The following NELL1 variants were observed in gnomAD, a reference collection of about 807,000 sequenced individuals.
NELL1 encodes protein kinase C-binding protein NELL1.
In NELL1, 76 loss-of-function variants were observed where a neutral mutation model predicts 107.4. That is an observed-to-expected ratio of 0.71 (90% CI 0.59 to 0.86). The LOEUF (loss-of-function observed/expected upper bound fraction) is 0.86. NELL1 is among the 40% of genes least tolerant of loss of function. The pLI, the probability that NELL1 is intolerant of heterozygous loss-of-function variation, is 0.00. For synonymous variants in NELL1, 353 were observed against 341.2 expected, an observed-to-expected ratio of 1.03 and a Z score of -0.38; for missense variants, 1,024 against 1,005.5, an observed-to-expected ratio of 1.02 and a Z score of -0.25.
chr11:21,573,120 A>G (rs1415673770), intron 18 of NELL1, 65 bp from the exon 19 acceptor site: 2 of 1,238,808 alleles, frequency 1.6e-6, no homozygotes, highest in Non-Finnish European at 2.3e-6. Flanking sequence ...TTCCCCTTCT[A>G]TGACTTTGGG....
chr11:21,078,768 C>A, intron 12 of NELL1, among the ~76,000 whole-genome samples: 2 of 152,018 alleles, frequency 1.3e-5, no homozygotes, highest in Admixed American at 6.6e-5. Flanking sequence ...TGTTGAAAAT[C>A]TTAAAAGTAA....
At chr11:20,845,084 G>C (rs12284777) in intron 3 of NELL1, among the ~76,000 whole-genome samples, 4,524 of 152,292 alleles carry the variant, frequency 0.03, 82 homozygotes, top group Middle Eastern at 0.054. Context: ...TGCTAAGGCT[G>C]CTTCAGCAGT....
chr11:21,032,045 A>AG (rs1852971671), intron 12 of NELL1, among the ~76,000 whole-genome samples: 2 of 140,054 alleles, frequency 1.4e-5, no homozygotes, highest in Non-Finnish European at 3.0e-5. Flanking sequence ...ACTCCATGTC[A>AG]AAATAATAAT....
chr11:21,462,734 A>G (rs1055956361), intron 15 of NELL1, among the ~76,000 whole-genome samples: 1 of 152,040 alleles, frequency 6.6e-6, no homozygotes. Flanking sequence ...CTGAGAGTCA[A>G]GGAGGTCTAT....
At chr11:21,396,775 C>T (rs542614339) in intron 15 of NELL1, among the ~76,000 whole-genome samples, 29 of 151,408 alleles carry the variant, frequency 1.9e-4, no homozygotes, top group African/African-American at 7.0e-4. Flanking sequence ...GTGTACGGAA[C>T]ATTAAGGAAT....
intron 13 of NELL1, among the ~76,000 whole-genome samples, chr11:21,121,077 G>A (rs578009135): frequency 6.6e-6 from 1 of 152,186 alleles, no homozygotes; most frequent in South Asian, 2.1e-4. Flanking sequence ...TGGCTGTTCT[G>A]GGGTTGGGAC....
intron 14 of NELL1, among the ~76,000 whole-genome samples, chr11:21,282,532 G>T (rs113436657): frequency 6.6e-6 from 1 of 150,892 alleles, no homozygotes; most frequent in African/African-American, 2.4e-5. Context: ...ATAAGATGCC[G>T]GCAAGGGTGT....
chr11:21,415,182 C>T (rs995156615), intron 15 of NELL1, among the ~76,000 whole-genome samples: 3 of 152,060 alleles, frequency 2.0e-5, no homozygotes, highest in Non-Finnish European at 2.9e-5. Context: ...ACAAATTGAG[C>T]ATCATTTCCT....
At chr11:20,732,010 A>G (rs1314761034) in intron 2 of NELL1, among the ~76,000 whole-genome samples, 5 of 152,190 alleles carry the variant, frequency 3.3e-5, no homozygotes, top group Non-Finnish European at 7.3e-5. Flanking sequence ...GCATTTCACA[A>G]TGAGGCTCCT....
intron 13 of NELL1, among the ~76,000 whole-genome samples, chr11:21,154,373 G>T (rs1481814892): frequency 6.6e-6 from 1 of 152,086 alleles, no homozygotes; most frequent in Admixed American, 6.6e-5. Context: ...GACATGGCAG[G>T]GGAAATCTAT....
chr11:20,691,073 G>T (rs547245150), intron 2 of NELL1, among the ~76,000 whole-genome samples: 3 of 151,976 alleles, frequency 2.0e-5, no homozygotes, highest in East Asian at 3.9e-4. Flanking sequence ...CTCATGATTT[G>T]GTTCTCTGTT....
chr11:20,919,214 C>T, intron 6 of NELL1, 38 bp from the exon 7 acceptor site: 1 of 1,231,516 alleles, frequency 8.1e-7, no homozygotes, highest in Non-Finnish European at 1.2e-6. Flanking sequence ...TATATTAGCA[C>T]AATATAAATA....
At chr11:21,282,791 G>T (rs995143526) in intron 14 of NELL1, among the ~76,000 whole-genome samples, 2 of 152,072 alleles carry the variant, frequency 1.3e-5, no homozygotes, top group African/African-American at 4.8e-5. Flanking sequence ...ATAAAGAAAT[G>T]AATAGACAAA....
intron 14 of NELL1, among the ~76,000 whole-genome samples, chr11:21,243,614 T>C (rs1858418484): frequency 6.6e-6 from 1 of 152,134 alleles, no homozygotes; most frequent in South Asian, 2.1e-4. Flanking sequence ...GTGAATGCTA[T>C]GAGATTAGTA....
At chr11:21,061,617 C>A (rs1392175597) in intron 12 of NELL1, among the ~76,000 whole-genome samples, 1 of 152,026 alleles carries the variant, frequency 6.6e-6, no homozygotes. Context: ...TTACATTGCT[C>A]AATTTGGTGC....
rs529712202 is a variant in NELL1 at position 21,269,097 on chromosome 11, T to TA, written c.1549+39647dup. 5.3e-5 allele frequency among the ~76,000 whole-genome samples: 8 copies of TA among 151,388 alleles called. No homozygotes were observed. The South Asian group carries it at 1.5e-3, about 28-fold the overall frequency. On this transcript the variant is annotated intron_variant, in intron 14 of 19. Transcript: ENST00000357134. ...TTGAAGATATATTAATGGAAACTTC[T>TA]AAAATGGAAAAACAAAGAAAAAGAA...
intron 3 of NELL1, among the ~76,000 whole-genome samples, chr11:20,825,929 C>T (rs1463867399): frequency 2.6e-5 from 4 of 151,086 alleles, no homozygotes; most frequent in Non-Finnish European, 4.4e-5. Context: ...TGGAGAGGGA[C>T]CTTGTGGGAG....
At chr11:20,853,939 G>T (rs934183470) in intron 4 of NELL1, among the ~76,000 whole-genome samples, 1 of 152,098 alleles carries the variant, frequency 6.6e-6, no homozygotes, top group African/African-American at 2.4e-5. Context: ...AAGATTTTTT[G>T]TTGATCCTGG....
chr11:21,532,805 A>G (rs1856024665), intron 15 of NELL1, among the ~76,000 whole-genome samples: 1 of 152,196 alleles, frequency 6.6e-6, no homozygotes, highest in Non-Finnish European at 1.5e-5. Flanking sequence ...TTCAAAAAGC[A>G]GTGGGCTGAT....
Sources: allele counts gnomAD v4.1 joint callset (sites outside exome capture counted in the v4.1 genomes callset), GRCh38; gene constraint gnomAD v4.1.1; transcripts MANE v1.5; gene names NCBI Gene and HGNC (gene_info 2026-07-23, HGNC 2026-07-21).